Variants in CC2D1A observed in about 807,000 individuals in gnomAD.
CC2D1A encodes the protein coiled-coil and C2 domain containing 1A, also known as coiled-coil and C2 domain-containing protein 1A.
Under a neutral mutation model 123.8 loss-of-function variants are expected in CC2D1A, and 68 were observed. The observed-to-expected ratio is 0.55, with a 90% CI of 0.45 to 0.67. CC2D1A has a LOEUF of 0.67. Among genes scored for constraint, CC2D1A ranks in the 30% least tolerant of loss-of-function variants. The pLI, the probability that CC2D1A is intolerant of heterozygous loss-of-function variation, is 0.00. For missense variants in CC2D1A, 1,185 were observed against 1,290.3 expected (o/e 0.92, Z 1.25); for synonymous variants, 477 against 528.0 (o/e 0.90, Z 1.32).
intron 2 of CC2D1A, 137 bp downstream of exon 2, chr19:13,910,095 A>T: frequency 1.2e-6 from 1 of 811,608 alleles, no homozygotes; most frequent in Non-Finnish European, 1.7e-6. Context: ...GATCTGGGTA[A>T]GAGAGTCAAG....
At chr19:13,912,204 A>T in intron 2 of CC2D1A, 119 bp from the exon 3 acceptor site, 1 of 1,160,486 alleles carries the variant, frequency 8.6e-7, no homozygotes, top group Non-Finnish European at 1.2e-6. Flanking sequence ...GAGGCTGAAT[A>T]AGGAAGAGAT....
intron 17 of CC2D1A, among the ~76,000 whole-genome samples, chr19:13,926,137 G>A (rs1276412234): frequency 2.0e-5 from 3 of 149,340 alleles, no homozygotes; most frequent in African/African-American, 7.4e-5. Context: ...GTACTGGCTG[G>A]CACATAGTAG....
In CC2D1A at chr19:13,915,143, G is replaced by A. The variant is rs562133863; in HGVS notation, c.748+1505G>A. Reference sequence around the variant, plus strand: ...AAACGACCAAAAATTTTTCACAATGGAAGTTTGGCATAAAACTTGTCAGGA... The same window carrying A: ...AAACGACCAAAAATTTTTCACAATGAAAGTTTGGCATAAAACTTGTCAGGA... On this transcript the variant is annotated intron_variant, in intron 6 of 28. Transcript: ENST00000318003. Among the ~76,000 whole-genome samples the A allele has an allele frequency of 4.6e-5, 7 of 152,380 alleles. No individual in the cohort carries two copies. In the South Asian group the frequency reaches 1.4e-3, roughly 32 times the overall value.
Position 13,930,590 on chromosome 19 carries a change from GT to G in CC2D1A, c.*196del. ...GGGAACCATGCCTGCCAGCCAGTATGTGCCCCTCACCCAGGCCTGGCTGGGC... is the reference window on the plus strand; with the variant it reads ...GGGAACCATGCCTGCCAGCCAGTATGGCCCCTCACCCAGGCCTGGCTGGGC... On this transcript the variant is annotated 3_prime_UTR_variant, in exon 29 of 29. Transcript: ENST00000318003. This position sits in a 1 kb window ranked among gnomAD's most constrained non-coding sequence, Gnocchi z 6.8. 1.5e-6 allele frequency: 1 copy of G among 651,128 alleles called. No individual in the cohort carries two copies. The highest frequency in any genetic ancestry group is 1.9e-5 in the South Asian group (1 of 51,392). 40.3% of individuals were successfully genotyped at this position (651,128 alleles called of 1,614,324 possible). A position where few individuals can be genotyped will look rare whatever the true frequency, so the allele number is the denominator to read the frequency against.
chr19:13,913,066 C>A, intron 4 of CC2D1A, 102 bp from the exon 5 acceptor site: 1 of 1,259,374 alleles, frequency 7.9e-7, no homozygotes, highest in Non-Finnish European at 1.1e-6. Flanking sequence ...GCAGGGGAGG[C>A]TGGTCCAGGG....
At chr19:13,918,695 CG>C (rs755912133) in intron 8 of CC2D1A, 50 bp from the exon 9 acceptor site, 2 of 1,586,816 alleles carry the variant, frequency 1.3e-6, no homozygotes, top group South Asian at 1.1e-5. Flanking sequence ...ACCAGCTTGT[CG>C]GGGGTGCAGC....
At position 13,923,653 on chromosome 19, in the gene CC2D1A, TC is replaced by T; in HGVS notation, c.1824-38del. On this transcript the variant is annotated intron_variant, in intron 16 of 28. Coordinates refer to ENST00000318003, the MANE Select transcript of CC2D1A (RefSeq NM_017721.5). The surrounding 1 kb of genome is among the most constrained non-coding windows in gnomAD (Gnocchi z 5.3). ...AGACACTTGCACCCCCAGCCACCCA[TC>T]CCCAGGGCCAGGGACATGAGCAGGG... is the stretch of plus-strand genomic sequence containing the variant. 6.2e-7 allele frequency: 1 copy of T among 1,613,036 alleles called. No individual in the cohort carries two copies. Among genetic ancestry groups the T allele is most frequent in the Non-Finnish European group, 8.5e-7 (1 of 1,179,074 alleles).
intron 7 of CC2D1A, 74 bp from the exon 8 acceptor site, chr19:13,918,430 G>A (rs895204373): frequency 7.1e-7 from 1 of 1,415,098 alleles, no homozygotes; most frequent in Admixed American, 2.2e-5. Flanking sequence ...TGGCATGGAA[G>A]GGCCCGGAGG....
chr19:13,918,706 C>T (rs760352713), intron 8 of CC2D1A, 40 bp from the exon 9 acceptor site: 2 of 1,594,366 alleles, frequency 1.3e-6, no homozygotes, highest in African/African-American at 2.7e-5. Flanking sequence ...GGGGGTGCAG[C>T]TAACAAGCCC....
chr19:13,930,231 A>G lies in CC2D1A; in HGVS notation c.2788-11A>G. The G allele has an allele frequency of 1.9e-6, 3 of 1,613,868 alleles. No homozygotes were observed. The highest frequency in any genetic ancestry group is 2.5e-6 in the Non-Finnish European group (3 of 1,179,876). ...TGCAGGGACTACCTGCTGAATGCCCATCCCCCACAGGATGCTGCAAAGGAG... is the reference window on the plus strand; with the variant it reads ...TGCAGGGACTACCTGCTGAATGCCCGTCCCCCACAGGATGCTGCAAAGGAG... On this transcript the variant is annotated splice_polypyrimidine_tract_variant and intron_variant, in intron 27 of 28. Coordinates refer to ENST00000318003, the MANE Select transcript of CC2D1A (RefSeq NM_017721.5). The surrounding 1 kb of genome is among the most constrained non-coding windows in gnomAD (Gnocchi z 6.8).
Position 13,913,498 on chromosome 19 carries a change from C to T in CC2D1A, c.608C>T (p.Ser203Phe), listed in dbSNP as rs535774165. 25 of 1,614,074 alleles carry T rather than the reference C, an allele frequency of 1.5e-5. No homozygotes were observed. Among genetic ancestry groups the T allele is most frequent in the Non-Finnish European group, 2.1e-5 (25 of 1,180,058 alleles). ...GTGGCCATAGGAAAAGGCCCGGCGT[C>T]CACGCCTACCTACAGCCCTGCACCC... ...PPVAIGKGPA[S>F]TPTYSPAPTQ... Residue 203 changes from serine to phenylalanine, a missense_variant, in exon 6 of 29, where the codon TCC (serine) becomes TTC (phenylalanine). Transcript: ENST00000318003.
At chr19:13,929,343 ATC>A (rs1241021844) in intron 24 of CC2D1A, 34 bp from the exon 25 acceptor site, 7 of 1,605,768 alleles carry the variant, frequency 4.4e-6, no homozygotes, top group Non-Finnish European at 6.0e-6. Context: ...GGCTGGGGGA[ATC>A]TCTGCAGTCC....
At chr19:13,922,265 G>GTCTGGGAGGTCAATGCC (rs1283751382) in intron 14 of CC2D1A, among the ~76,000 whole-genome samples, 1 of 152,172 alleles carries the variant, frequency 6.6e-6, no homozygotes, top group African/African-American at 2.4e-5. Context: ...ACCTCCCAAA[G>GTCTGGGAGGTCAATGCC]TGCTGGGATT....
At chr19:13,924,862 CT>C (rs1357065854) in intron 17 of CC2D1A, among the ~76,000 whole-genome samples, 1 of 152,122 alleles carries the variant, frequency 6.6e-6, no homozygotes, top group African/African-American at 2.4e-5. Context: ...GCTCCCCCAT[CT>C]CCACACAGCC....
At position 13,919,825 on chromosome 19, in the gene CC2D1A, C is replaced by T. The variant is rs1211856107; in HGVS notation, c.1230C>T (p.Pro410=). ...CCTCGACTGGCCACCCAGGCTTCCC[C>T]CCAATCCAGGGCCTGGAGGCCACCA... ...VAELPVPPGF[P]PIQGLEATKP... Residue 410 remains proline (P), a synonymous_variant, in exon 12 of 29, where the codon CCC becomes CCT. Transcript: ENST00000318003. The T allele has an allele frequency of 6.2e-7, 1 of 1,602,096 alleles. No homozygotes were observed. The highest frequency in any genetic ancestry group is 1.3e-5 in the African/African-American group (1 of 74,580).
intron 14 of CC2D1A, among the ~76,000 whole-genome samples, chr19:13,922,639 C>T (rs1227031926): frequency 6.6e-6 from 1 of 152,192 alleles, no homozygotes; most frequent in Non-Finnish European, 1.5e-5. Context: ...CCCATCTCCC[C>T]CAAGAGAATG....
In CC2D1A at chr19:13,923,997, T is replaced by C. The variant is rs1298906671; in HGVS notation, c.1940+186T>C. Reference sequence around the variant, plus strand: ...AGATACAAGTGAAGGATGGTGAGGGTGCAGTCACAGTGACGCATTTGGGAA... The same window carrying C: ...AGATACAAGTGAAGGATGGTGAGGGCGCAGTCACAGTGACGCATTTGGGAA... On this transcript the variant is annotated intron_variant, in intron 17 of 28. Coordinates refer to ENST00000318003, the MANE Select transcript of CC2D1A (RefSeq NM_017721.5). This position sits in a 1 kb window ranked among gnomAD's most constrained non-coding sequence, Gnocchi z 5.3. Among the ~76,000 whole-genome samples, 1 of 152,046 alleles carries C rather than the reference T, an allele frequency of 6.6e-6. No homozygotes were observed. Among genetic ancestry groups the C allele is most frequent in the Non-Finnish European group, 1.5e-5 (1 of 68,012 alleles).
At chr19:13,922,247 C>G (rs1971434571) in intron 14 of CC2D1A, among the ~76,000 whole-genome samples, 1 of 152,210 alleles carries the variant, frequency 6.6e-6, no homozygotes, top group Non-Finnish European at 1.5e-5. Context: ...GGCAATCCAC[C>G]TGCCTCGACC....
Position 13,923,277 on chromosome 19 carries a change from C to T in CC2D1A, c.1642-56C>T. On this transcript the variant is annotated intron_variant, in intron 14 of 28. Transcript: ENST00000318003. This position sits in a 1 kb window ranked among gnomAD's most constrained non-coding sequence, Gnocchi z 5.3. ...AAGGAAGAATGACATTTCTGCAGAG[C>T]CCTAGGTGGGCCTGCTTGTCCTCCT... 1 of 1,561,838 alleles carries T rather than the reference C, an allele frequency of 6.4e-7. No homozygotes were observed. Among genetic ancestry groups the T allele is most frequent in the East Asian group, 2.2e-5 (1 of 44,576 alleles).
Sources: allele counts gnomAD v4.1 joint callset (sites outside exome capture counted in the v4.1 genomes callset), GRCh38; gene constraint gnomAD v4.1.1; non-coding constraint Gnocchi (gnomAD v3.1); transcripts MANE v1.5; gene names NCBI Gene and HGNC (gene_info 2026-07-23, HGNC 2026-07-21).